KAZN: variants seen among roughly 807,000 people sequenced by gnomAD.
KAZN encodes the protein kazrin.
KAZN carries 40 observed loss-of-function variants against 87.4 expected under a neutral mutation model. The ratio of observed to expected loss-of-function variants is 0.46; its 90% CI spans 0.36 to 0.60. The LOEUF (loss-of-function observed/expected upper bound fraction) is 0.60. Ranked by LOEUF, KAZN falls within the 20% of genes least tolerant of loss-of-function variation. The pLI is 0.00. For synonymous variants in KAZN, 466 were observed against 458.3 expected (o/e 1.02, Z -0.22); for missense variants, 898 against 1,073.9 (o/e 0.84, Z 2.29).
chr1:14,801,456 G>A (rs1223379852), intron 1 of KAZN, among the ~76,000 whole-genome samples: 2 of 152,088 alleles, frequency 1.3e-5, no homozygotes, highest in African/African-American at 4.8e-5. Context: ...CTTCTCCGCA[G>A]GCTCTTGGGG....
chr1:14,055,771 C>G (rs1039282813), intron 1 of KAZN, among the ~76,000 whole-genome samples: 1 of 152,160 alleles, frequency 6.6e-6, no homozygotes, highest in Non-Finnish European at 1.5e-5. Flanking sequence ...CTCTACTCTT[C>G]TAGTCCACAG....
chr1:14,229,385 A>G (rs954670181), intron 2 of KAZN, among the ~76,000 whole-genome samples: 1 of 152,252 alleles, frequency 6.6e-6, no homozygotes, highest in Non-Finnish European at 1.5e-5. Flanking sequence ...TAGAATAAAA[A>G]GTGTTATTGA....
chr1:14,743,765 G>A lies in KAZN; in HGVS notation c.226+144542G>A, dbSNP rs528158398. On this transcript the variant is annotated intron_variant, in intron 1 of 14. Coordinates refer to ENST00000376030, the MANE Select transcript of KAZN (RefSeq NM_201628.3). ...GCTGTCTTGAACCACTTTATTTAGC[G>A]TTGGCAGTGGTGGGAGGGAGCCGCT... Among the ~76,000 whole-genome samples the A allele has an allele frequency of 1.1e-3, 173 of 152,232 alleles. 1 individual carries two copies. Among genetic ancestry groups the A allele is most frequent in the South Asian group, 0.011 (54 of 4,816 alleles).
intron 1 of KAZN, among the ~76,000 whole-genome samples, chr1:14,827,230 G>A (rs1646917549): frequency 6.6e-6 from 1 of 152,172 alleles, no homozygotes; most frequent in South Asian, 2.1e-4. Flanking sequence ...GCATTCTGGG[G>A]GCAGGGATTT....
At chr1:14,158,096 T>G (rs1400063683) in intron 1 of KAZN, among the ~76,000 whole-genome samples, 1 of 152,114 alleles carries the variant, frequency 6.6e-6, no homozygotes, top group African/African-American at 2.4e-5. Context: ...TCAGGTTGAG[T>G]CTTCTTGGTA....
chr1:15,063,681 T>A (rs1638989157), intron 7 of KAZN, 59 bp downstream of exon 7: 1 of 1,367,848 alleles, frequency 7.3e-7, no homozygotes, highest in African/African-American at 1.4e-5. Flanking sequence ...GACTACAACT[T>A]CACCCTCTGT....
chr1:13,911,398 C>T (rs1274030153), intron 1 of KAZN, among the ~76,000 whole-genome samples: 2 of 152,162 alleles, frequency 1.3e-5, no homozygotes, highest in Admixed American at 6.5e-5. Context: ...CACTCACTTT[C>T]GGGATCCTGA....
At chr1:14,034,938 G>A (rs528232254) in intron 1 of KAZN, among the ~76,000 whole-genome samples, 24 of 152,192 alleles carry the variant, frequency 1.6e-4, no homozygotes, top group Non-Finnish European at 3.2e-4. Flanking sequence ...CGCTTGCAGT[G>A]ATGGGGGAAG....
intron 1 of KAZN, among the ~76,000 whole-genome samples, chr1:14,726,281 C>A (rs1222572769): frequency 6.6e-6 from 1 of 152,214 alleles, no homozygotes; most frequent in Non-Finnish European, 1.5e-5. Context: ...CAGATGTACA[C>A]CCCGCAAAAC....
chr1:15,012,404 C>G (rs1017085324), intron 2 of KAZN, among the ~76,000 whole-genome samples: 1 of 152,164 alleles, frequency 6.6e-6, no homozygotes, highest in Non-Finnish European at 1.5e-5. Flanking sequence ...CCAAATCTCC[C>G]ATGGTGAGTA....
chr1:14,975,525 A>G (rs1396898229), intron 2 of KAZN, among the ~76,000 whole-genome samples: 1 of 152,234 alleles, frequency 6.6e-6, no homozygotes, highest in East Asian at 1.9e-4. Context: ...CAATGTCTCC[A>G]TGAATATAAT....
chr1:13,948,582 G>C (rs1641230925), intron 1 of KAZN, among the ~76,000 whole-genome samples: 1 of 152,152 alleles, frequency 6.6e-6, no homozygotes, highest in Non-Finnish European at 1.5e-5. Context: ...TCTGGTGTGG[G>C]GAAAGGGGGC....
At chr1:14,436,871 A>T (rs1666428513) in intron 2 of KAZN, among the ~76,000 whole-genome samples, 1 of 152,164 alleles carries the variant, frequency 6.6e-6, no homozygotes. Flanking sequence ...GATTTCACTC[A>T]GGTCTGTCTG....
chr1:14,966,127 G>A (rs1368480445), intron 2 of KAZN, among the ~76,000 whole-genome samples: 2 of 151,716 alleles, frequency 1.3e-5, no homozygotes, highest in Non-Finnish European at 2.9e-5. Flanking sequence ...TTACAGGCAC[G>A]CGCCACCATG....
At chr1:15,051,429 C>A (rs1416028043) in intron 4 of KAZN, among the ~76,000 whole-genome samples, 1 of 152,348 alleles carries the variant, frequency 6.6e-6, no homozygotes, top group African/African-American at 2.4e-5. Flanking sequence ...CATAAGTAAT[C>A]CTAACTGAGC....
intron 1 of KAZN, among the ~76,000 whole-genome samples, chr1:14,675,580 A>G (rs1161381204): frequency 1.3e-5 from 2 of 151,976 alleles, no homozygotes; most frequent in African/African-American, 4.8e-5. Context: ...ACTCCAATCT[A>G]CCATCTCATT....
chr1:14,768,114 C>T (rs894304110), intron 1 of KAZN, among the ~76,000 whole-genome samples: 6 of 152,198 alleles, frequency 3.9e-5, no homozygotes, highest in Admixed American at 2.0e-4. Context: ...AAGATCAACT[C>T]TCACTACGGT....
At chr1:15,027,297 G>A (rs1671274032) in intron 2 of KAZN, among the ~76,000 whole-genome samples, 1 of 151,806 alleles carries the variant, frequency 6.6e-6, no homozygotes, top group Non-Finnish European at 1.5e-5. Flanking sequence ...AGCCAGGATG[G>A]TCTGGTTCTC....
chr1:14,840,414 G>A (rs564624931), intron 1 of KAZN, among the ~76,000 whole-genome samples: 2 of 152,242 alleles, frequency 1.3e-5, no homozygotes, highest in East Asian at 3.9e-4. Context: ...ATGTCTGTGG[G>A]AATACAGGTG....
Sources: allele counts gnomAD v4.1 joint callset (sites outside exome capture counted in the v4.1 genomes callset), GRCh38; gene constraint gnomAD v4.1.1; transcripts MANE v1.5; gene names NCBI Gene and HGNC (gene_info 2026-07-23, HGNC 2026-07-21).